NR2E3: variants seen among roughly 807,000 people sequenced by gnomAD.
NR2E3 encodes photoreceptor-specific nuclear receptor.
NR2E3 carries 38 observed loss-of-function variants against 37.6 expected under a neutral mutation model. The observed-to-expected ratio is 1.01, with a 90% CI of 0.78 to 1.33. The LOEUF (loss-of-function observed/expected upper bound fraction) is 1.33. NR2E3 is among the 40% of genes most tolerant of loss of function. The pLI is 0.00. For missense variants in NR2E3, 562 were observed against 558.7 expected, an observed-to-expected ratio of 1.01 and a Z score of -0.06; for synonymous variants, 235 against 225.1, an observed-to-expected ratio of 1.04 and a Z score of -0.39.
At chr15:71,817,465 C>G in intron 7 of NR2E3, 87 bp from the exon 8 acceptor site, 1 of 1,475,714 alleles carries the variant, frequency 6.8e-7, no homozygotes, top group Admixed American at 1.9e-5. Flanking sequence ...TCTCCTTCCT[C>G]CCCTCCCTTT....
At chr15:71,817,517 G>C in intron 7 of NR2E3, 35 bp from the exon 8 acceptor site, 1 of 1,565,428 alleles carries the variant, frequency 6.4e-7, no homozygotes, top group Non-Finnish European at 8.7e-7. Context: ...TCAGAAGCTG[G>C]TCGTAAAACT....
rs1377135709 is a variant in NR2E3, at chr15:71,813,609, T to C, written c.968T>C (p.Met323Thr). The C allele has an allele frequency of 1.9e-6, 3 of 1,613,932 alleles. No individual in the cohort carries two copies. The highest frequency in any genetic ancestry group is 2.5e-6 in the Non-Finnish European group (3 of 1,179,882). ...LAVDPTEFAC[M>T]KALVLFKPET... is the part of the protein sequence containing the mutation. ...GTGGACCCCACGGAGTTTGCCTGCATGAAGGCCTTGGTCCTCTTCAAGCCA... is the reference window on the plus strand; with the variant it reads ...GTGGACCCCACGGAGTTTGCCTGCACGAAGGCCTTGGTCCTCTTCAAGCCA... Residue 323 changes from methionine (M) to threonine (T), a missense_variant, in exon 6 of 8, where the codon ATG becomes ACG. By Grantham distance (81) the Met-to-Thr change is moderately conservative (BLOSUM62 -1). Coordinates refer to ENST00000617575, the MANE Select transcript of NR2E3 (RefSeq NM_014249.4). This position sits in a 1 kb window ranked among gnomAD's most constrained non-coding sequence, Gnocchi z 4.7.
chr15:71,810,925 G>T (rs1250110133), intron 1 of NR2E3, 64 bp downstream of exon 1: 17 of 1,449,354 alleles, frequency 1.2e-5, no homozygotes, highest in Non-Finnish European at 1.3e-5. Flanking sequence ...AGGGCCAGAG[G>T]TTCGCAGGGA....
At position 71,817,725 on chromosome 15, in the gene NR2E3, A is replaced by G; in HGVS notation, c.*41A>G. 1 of 1,548,798 alleles carries G rather than the reference A, an allele frequency of 6.5e-7. No individual in the cohort carries two copies. The highest frequency in any genetic ancestry group is 1.2e-5 in the South Asian group (1 of 86,592). Reference sequence around the variant, plus strand: ...AATGTTTCCAAGCACTCTGGAAAACAATCTACTGAAACGAAACATTTGCCT... The same window carrying G: ...AATGTTTCCAAGCACTCTGGAAAACGATCTACTGAAACGAAACATTTGCCT... On this transcript the variant is annotated 3_prime_UTR_variant, in exon 8 of 8. Coordinates refer to ENST00000617575, the MANE Select transcript of NR2E3 (RefSeq NM_014249.4).
At chr15:71,816,362 G>A (rs961884405) in intron 7 of NR2E3, among the ~76,000 whole-genome samples, 5 of 148,160 alleles carry the variant, frequency 3.4e-5, no homozygotes, top group East Asian at 2.0e-4. Flanking sequence ...CTGGGTTCAC[G>A]CCATTCTCCT....
Position 71,817,605 on chromosome 15 carries a change from G to A in NR2E3, c.1154G>A (p.Arg385His), listed in dbSNP as rs766769900. ...LPSLRFITAE[R>H]IELLFFRKTI... ...TCTTTGAGGTTTATCACTGCGGAAC[G>A]CATCGAGCTCCTCTTTTTCCGCAAG... The change falls in exon 8 of 8, where the codon CGC becomes CAC. Residue 385 changes from arginine to histidine, a missense_variant. By Grantham distance (29) the Arg-to-His change is conservative (BLOSUM62 0). Coordinates refer to ENST00000617575, the MANE Select transcript of NR2E3 (RefSeq NM_014249.4). The A allele has an allele frequency of 6.2e-7, 1 of 1,609,854 alleles. No homozygotes were observed. The highest frequency in any genetic ancestry group is 8.5e-7 in the Non-Finnish European group (1 of 1,176,484).
In NR2E3 at chr15:71,813,445, GT is replaced by G; in HGVS notation, c.805del (p.Ser269LeufsTer55). On this transcript the variant is annotated frameshift_variant, in exon 6 of 8. Transcript: ENST00000617575. LOFTEE classifies it high-confidence loss of function. The surrounding 1 kb of genome is among the most constrained non-coding windows in gnomAD (Gnocchi z 4.7). ...TCTTTCTCCTCGGGGCCATCCAGTG[GT>G]CTCTGCCTCTGGACAGCTGTCCTCT... ...ELFLLGAIQW[S>X]LPLDSCPLLA... is the part of the protein sequence containing the mutation. 1 of 1,610,528 alleles carries G rather than the reference GT, an allele frequency of 6.2e-7. No individual in the cohort carries two copies. The highest frequency in any genetic ancestry group is 8.5e-7 in the Non-Finnish European group (1 of 1,178,446).
rs1048454126 is a variant in NR2E3 at position 71,812,063 on chromosome 15, C to T, written c.458C>T (p.Ala153Val). 1 of 1,553,082 alleles carries T rather than the reference C, an allele frequency of 6.4e-7. No homozygotes were observed. The highest frequency in any genetic ancestry group is 8.7e-7 in the Non-Finnish European group (1 of 1,148,536). The change falls in exon 4 of 8, where the codon GCA becomes GTA. Residue 153 changes from alanine to valine, a missense_variant. By Grantham distance (64) the Ala-to-Val change is moderately conservative. Coordinates refer to ENST00000617575, the MANE Select transcript of NR2E3 (RefSeq NM_014249.4). ...PESLVAPPAP[A>V]GRSPRGPTPM... is the part of the protein sequence containing the mutation. ...TCCCTGGTGGCTCCCCCGGCCCCGGCAGGGCGCAGCCCACGGGGCCCCACA... is the reference window on the plus strand; with the variant it reads ...TCCCTGGTGGCTCCCCCGGCCCCGGTAGGGCGCAGCCCACGGGGCCCCACA...
At position 71,813,730 on chromosome 15, in the gene NR2E3, T is replaced by C; in HGVS notation, c.994+95T>C. ...CACTACCCCCATGTGTGCAGATGTG[T>C]GTAGGCCTCTATCCTGGGGGGTGGG... is the stretch of plus-strand genomic sequence containing the variant. On this transcript the variant is annotated intron_variant, in intron 6 of 7. Transcript: ENST00000617575. This position sits in a 1 kb window ranked among gnomAD's most constrained non-coding sequence, Gnocchi z 4.7. The C allele has an allele frequency of 6.3e-7, 1 of 1,575,144 alleles. No homozygotes were observed. Among genetic ancestry groups the C allele is most frequent in the Non-Finnish European group, 8.6e-7 (1 of 1,157,024 alleles).
At position 71,813,331 on chromosome 15, in the gene NR2E3, C is replaced by G; in HGVS notation, c.748-58C>G. Reference sequence around the variant, plus strand: ...GTGCCTGAGATGGTGGCAGAGGCTCCAGACTGAGCCAGAGAAGCTGTGTGT... The same window carrying G: ...GTGCCTGAGATGGTGGCAGAGGCTCGAGACTGAGCCAGAGAAGCTGTGTGT... On this transcript the variant is annotated intron_variant, in intron 5 of 7. Coordinates refer to ENST00000617575, the MANE Select transcript of NR2E3 (RefSeq NM_014249.4). The surrounding 1 kb of genome is among the most constrained non-coding windows in gnomAD (Gnocchi z 4.7). 6.3e-7 allele frequency: 1 copy of G among 1,578,492 alleles called. No homozygotes were observed.
At chr15:71,817,017 C>T (rs2054231305) in intron 7 of NR2E3, among the ~76,000 whole-genome samples, 1 of 152,038 alleles carries the variant, frequency 6.6e-6, no homozygotes, top group South Asian at 2.1e-4. Context: ...TCATTGCACT[C>T]CTAAACTAAA....
Position 71,811,754 on chromosome 15 carries a change from C to A in NR2E3, c.246-12C>A. On this transcript the variant is annotated splice_polypyrimidine_tract_variant and intron_variant, in intron 2 of 7. Coordinates refer to ENST00000617575, the MANE Select transcript of NR2E3 (RefSeq NM_014249.4). The surrounding 1 kb of genome is among the most constrained non-coding windows in gnomAD (Gnocchi z 5.6). ...GGGACACTGACCCCTGGGGTCTCCT[C>A]TTCACCTGCAGGTGCCAGGTGGGGG... 1 of 1,549,982 alleles carries A rather than the reference C, an allele frequency of 6.5e-7. No individual in the cohort carries two copies. Among genetic ancestry groups the A allele is most frequent in the Non-Finnish European group, 8.7e-7 (1 of 1,145,970 alleles).
chr15:71,812,038 T>TC lies in NR2E3; in HGVS notation c.436dup (p.Leu146ProfsTer36). 6.4e-7 allele frequency: 1 copy of TC among 1,553,642 alleles called. No individual in the cohort carries two copies. The highest frequency in any genetic ancestry group is 8.7e-7 in the Non-Finnish European group (1 of 1,148,954). ...GTCCAACACTGAGTCCCGGCCGGAGTCCCTGGTGGCTCCCCCGGCCCCGGC... is the reference window on the plus strand; with the variant it reads ...GTCCAACACTGAGTCCCGGCCGGAGTCCCCTGGTGGCTCCCCCGGCCCCGGC... On this transcript the variant is annotated frameshift_variant, in exon 4 of 8. Coordinates refer to ENST00000617575, the MANE Select transcript of NR2E3 (RefSeq NM_014249.4). LOFTEE classifies it high-confidence loss of function.
rs1595957545 is a variant in NR2E3, at chr15:71,814,078, G to A, written c.1061G>A (p.Ser354Asn). The A allele has an allele frequency of 1.9e-6, 3 of 1,612,586 alleles. No individual in the cohort carries two copies. The East Asian group carries it at 6.7e-5, about 36-fold the overall frequency. ...CAGGACCAGTCCCAAGTGATGCTGAGCCAGCACAGCAAGGCCCACCACCCC... is the reference window on the plus strand; with the variant it reads ...CAGGACCAGTCCCAAGTGATGCTGAACCAGCACAGCAAGGCCCACCACCCC... ...ALQDQSQVML[S>N]QHSKAHHPSQ... Residue 354 changes from serine (S) to asparagine (N), a missense_variant, in exon 7 of 8, where the codon AGC (serine) becomes AAC (asparagine). Transcript: ENST00000617575.
chr15:71,814,175 C>G, intron 7 of NR2E3, 58 bp downstream of exon 7: 2 of 1,545,480 alleles, frequency 1.3e-6, no homozygotes, highest in Non-Finnish European at 8.7e-7. Flanking sequence ...CTTTCTCTGC[C>G]TCTCCCACAC....
In NR2E3 at chr15:71,818,229, T is replaced by TAAAAA. The variant is rs369467965; in HGVS notation, c.*553_*557dup. The TAAAAA allele has an allele frequency of 1.0e-4, 13 of 128,886 alleles. No individual in the cohort carries two copies. Among genetic ancestry groups the TAAAAA allele is most frequent in the African/African-American group, 2.9e-4 (10 of 34,338 alleles). 8.0% of individuals were successfully genotyped at this position (128,886 alleles called of 1,614,324 possible). A position where few individuals can be genotyped will look rare whatever the true frequency, so the allele number is the denominator to read the frequency against. ...ATTTTGTTAGACCTCAATAAAAAAGTAAAAAAAAAAAACAAAAAAAACCAG... is the reference window on the plus strand; with the variant it reads ...ATTTTGTTAGACCTCAATAAAAAAGTAAAAAAAAAAAAAAAAACAAAAAAAACCAG... On this transcript the variant is annotated 3_prime_UTR_variant, in exon 8 of 8. Coordinates refer to ENST00000617575, the MANE Select transcript of NR2E3 (RefSeq NM_014249.4).
rs2054206203 is a variant in NR2E3 at position 71,813,776 on chromosome 15, C to G, written c.994+141C>G. ...GTGGGAGGAGAGTGGTGAGGCTGGA[C>G]TCCCTTCTCCTTGGGGCCACTCCTG... On this transcript the variant is annotated intron_variant, in intron 6 of 7. Coordinates refer to ENST00000617575, the MANE Select transcript of NR2E3 (RefSeq NM_014249.4). The surrounding 1 kb of genome is among the most constrained non-coding windows in gnomAD (Gnocchi z 4.7). 9.5e-6 allele frequency: 14 copies of G among 1,468,102 alleles called. No individual in the cohort carries two copies. In the South Asian group the frequency reaches 1.6e-4, roughly 16 times the overall value. 90.9% of individuals were successfully genotyped at this position (1,468,102 alleles called of 1,614,324 possible).
At chr15:71,815,634 G>C (rs777681173) in intron 7 of NR2E3, among the ~76,000 whole-genome samples, 34 of 152,190 alleles carry the variant, frequency 2.2e-4, no homozygotes, top group Non-Finnish European at 4.3e-4. Context: ...TGAGCATGAA[G>C]ATAGTGGTTT....
intron 7 of NR2E3, among the ~76,000 whole-genome samples, chr15:71,816,257 CTT>C (rs59789846): frequency 0.016 from 1,940 of 121,888 alleles, 11 homozygotes; most frequent in East Asian, 0.026. Context: ...TTAGCAAATA[CTT>C]TTTTTTTTTT....
Sources: allele counts gnomAD v4.1 joint callset (sites outside exome capture counted in the v4.1 genomes callset), GRCh38; gene constraint gnomAD v4.1.1; non-coding constraint Gnocchi (gnomAD v3.1); transcripts MANE v1.5; gene names NCBI Gene and HGNC (gene_info 2026-07-23, HGNC 2026-07-21).